ATG5: variants seen among roughly 807,000 people sequenced by gnomAD.
ATG5 encodes the protein autophagy related 5.
A neutral mutation model predicts 36.5 loss-of-function variants in ATG5; 14 were observed. The observed-to-expected ratio is 0.38, with a 90% confidence interval of 0.25 to 0.60. The LOEUF (loss-of-function observed/expected upper bound fraction) is 0.60, where lower values mean the gene tolerates loss of function less well. ATG5 is among the 20% of genes least tolerant of loss of function. ATG5 has a pLI of 0.60. For missense variants in ATG5, 195 were observed against 326.7 expected (o/e 0.60, Z 3.11); for synonymous variants, 95 against 101.5 (o/e 0.94, Z 0.38).
chr6:106,234,238 C>T (rs1777803848), intron 6 of ATG5, among the ~76,000 whole-genome samples: 1 of 152,092 alleles, frequency 6.6e-6, no homozygotes, highest in South Asian at 2.1e-4. Context: ...TACATGAAAC[C>T]CTCCATACCC....
intron 7 of ATG5, among the ~76,000 whole-genome samples, chr6:106,196,056 T>C (rs934543934): frequency 2.6e-5 from 4 of 152,160 alleles, no homozygotes; most frequent in Non-Finnish European, 5.9e-5. Flanking sequence ...GCTTTTCATT[T>C]ACGTGTCTGA....
chr6:106,264,451 G>T (rs1238751222), intron 5 of ATG5, among the ~76,000 whole-genome samples: 1 of 152,132 alleles, frequency 6.6e-6, no homozygotes. Flanking sequence ...CCCCCACCAA[G>T]CAAGACAGGC....
At chr6:106,308,937 T>C (rs1770547001) in intron 2 of ATG5, among the ~76,000 whole-genome samples, 1 of 152,136 alleles carries the variant, frequency 6.6e-6, no homozygotes, top group Non-Finnish European at 1.5e-5. Context: ...CAGTCCATCA[T>C]GTTTTGAAGG....
At chr6:106,260,109 G>A (rs977127466) in intron 5 of ATG5, among the ~76,000 whole-genome samples, 1 of 152,174 alleles carries the variant, frequency 6.6e-6, no homozygotes, top group Non-Finnish European at 1.5e-5. Context: ...GCCTGTCGGT[G>A]GGTGGGGGCC....
chr6:106,255,321 T>A (rs947391192), intron 5 of ATG5, among the ~76,000 whole-genome samples: 1 of 152,212 alleles, frequency 6.6e-6, no homozygotes, highest in Admixed American at 6.5e-5. Flanking sequence ...TTCTTGTTAA[T>A]CTGAAAAGAT....
Position 106,318,170 on chromosome 6 carries a change from A to G in ATG5, c.-58-1904T>C, listed in dbSNP as rs149751129. Among the ~76,000 whole-genome samples the G allele has an allele frequency of 1.6e-4, 25 of 152,300 alleles. No homozygotes were observed. The East Asian group carries it at 4.8e-3, about 29-fold the overall frequency. ...GACAATTGCTCTTCCCTCCTCTTCA[A>G]GCACTGTCCTCTCAAGGAGGAATAG... On this transcript the variant is annotated intron_variant, in intron 1 of 7. Coordinates refer to ENST00000369076, the MANE Select transcript of ATG5 (RefSeq NM_004849.4).
At chr6:106,322,115 T>C (rs1382435082) in intron 1 of ATG5, among the ~76,000 whole-genome samples, 2 of 152,172 alleles carry the variant, frequency 1.3e-5, no homozygotes, top group South Asian at 2.1e-4. Flanking sequence ...CTCCAACCTG[T>C]GACGCAATCT....
In ATG5 at chr6:106,319,082, C is replaced by T. The variant is rs117934229; in HGVS notation, c.-58-2816G>A. Among the ~76,000 whole-genome samples the T allele has an allele frequency of 9.4e-3, 1,429 of 152,282 alleles. 8 individuals carry two copies. Among genetic ancestry groups the T allele is most frequent in the Non-Finnish European group, 0.014 (978 of 68,002 alleles). On this transcript the variant is annotated intron_variant, in intron 1 of 7. Transcript: ENST00000369076. ...GTGTAACCTCAAGTAAGTCATTTAA[C>T]TTCTCTATTTCTGTTTTCTCATCTG... is the stretch of plus-strand genomic sequence containing the variant.
At chr6:106,198,003 G>A (rs760950594) in intron 7 of ATG5, among the ~76,000 whole-genome samples, 5 of 152,200 alleles carry the variant, frequency 3.3e-5, no homozygotes, top group African/African-American at 7.2e-5. Context: ...CAATAAAAAC[G>A]ATTAACCTCT....
chr6:106,245,783 T>C (rs899351978), intron 6 of ATG5, among the ~76,000 whole-genome samples: 3 of 152,204 alleles, frequency 2.0e-5, no homozygotes, highest in African/African-American at 7.2e-5. Context: ...TAGAGATTTG[T>C]ATCTAGTATT....
intron 6 of ATG5, among the ~76,000 whole-genome samples, chr6:106,202,775 G>C (rs1401393428): frequency 6.6e-6 from 1 of 152,056 alleles, no homozygotes; most frequent in Non-Finnish European, 1.5e-5. Flanking sequence ...GATTCTCATG[G>C]CTCAGCCTCC....
At chr6:106,265,971 G>C (rs1163967145) in intron 5 of ATG5, among the ~76,000 whole-genome samples, 2 of 151,438 alleles carry the variant, frequency 1.3e-5, no homozygotes, top group African/African-American at 4.9e-5. Context: ...TCAAAAGCTA[G>C]CACAAGACAA....
intron 6 of ATG5, among the ~76,000 whole-genome samples, chr6:106,244,393 C>T (rs1258112822): frequency 6.6e-6 from 1 of 152,154 alleles, no homozygotes; most frequent in Non-Finnish European, 1.5e-5. Context: ...TATGGCCTGA[C>T]TTTTACCTTT....
chr6:106,260,935 A>G (rs551301355), intron 5 of ATG5, among the ~76,000 whole-genome samples: 1 of 152,326 alleles, frequency 6.6e-6, no homozygotes, highest in Admixed American at 6.5e-5. Context: ...GACATTCTCA[A>G]TACAAATGAT....
chr6:106,230,999 C>A (rs1321896375), intron 6 of ATG5, among the ~76,000 whole-genome samples: 1 of 151,990 alleles, frequency 6.6e-6, no homozygotes, highest in Non-Finnish European at 1.5e-5. Flanking sequence ...CCCCAGCATC[C>A]CCCAGACTCC....
At chr6:106,265,168 CAAAA>C (rs748718301) in intron 5 of ATG5, among the ~76,000 whole-genome samples, 95 of 56,726 alleles carry the variant, frequency 1.7e-3, no homozygotes, top group African/African-American at 6.2e-3. Context: ...AAATGGAAAG[CAAAA>C]AAAAAAAAAA....
At chr6:106,266,163 A>T (rs1779222314) in intron 5 of ATG5, among the ~76,000 whole-genome samples, 1 of 152,210 alleles carries the variant, frequency 6.6e-6, no homozygotes, top group Non-Finnish European at 1.5e-5. Context: ...GATAAAGGGG[A>T]TATCATCACT....
intron 5 of ATG5, among the ~76,000 whole-genome samples, chr6:106,248,851 T>C (rs1409851191): frequency 3.9e-5 from 6 of 152,052 alleles, no homozygotes; most frequent in East Asian, 1.9e-4. Flanking sequence ...GGCAGGAGAA[T>C]TGCTTGAACC....
chr6:106,185,995 C>A lies in ATG5; in HGVS notation c.*545G>T, dbSNP rs764393438. On this transcript the variant is annotated 3_prime_UTR_variant, in exon 8 of 8. Transcript: ENST00000369076. ...ATTATCAAAGTTACAAGATTGCATA[C>A]CAATAGACAGACTGTAAACATAGGA... 6.5e-6 allele frequency: 1 copy of A among 152,896 alleles called. No individual in the cohort carries two copies. The highest frequency in any genetic ancestry group is 1.5e-5 in the Non-Finnish European group (1 of 68,230). The allele number at this position is 152,896 out of a possible 1,614,324, so 9.5% of individuals were successfully genotyped here.
Sources: allele counts gnomAD v4.1 joint callset (sites outside exome capture counted in the v4.1 genomes callset), GRCh38; gene constraint gnomAD v4.1.1; transcripts MANE v1.5; gene names NCBI Gene and HGNC (gene_info 2026-07-23, HGNC 2026-07-21).